Variants in DMWD observed in about 807,000 individuals in gnomAD.
DMWD encodes dystrophia myotonica WD repeat-containing protein.
Under a neutral mutation model 45.8 loss-of-function variants are expected in DMWD, and 19 were observed. The observed-to-expected ratio is 0.41, with a 90% CI of 0.29 to 0.61. DMWD has a LOEUF of 0.61. Among genes scored for constraint, DMWD ranks in the 20% least tolerant of loss-of-function variants. The pLI, the probability that DMWD is intolerant of heterozygous loss-of-function variation, is 0.25. For missense variants in DMWD, 802 were observed against 965.2 expected, an observed-to-expected ratio of 0.83 and a Z score of 2.24; for synonymous variants, 515 against 440.5, an observed-to-expected ratio of 1.17 and a Z score of -2.12.
intron 2 of DMWD, among the ~76,000 whole-genome samples, chr19:45,788,922 C>T (rs1275106233): frequency 6.7e-6 from 1 of 148,986 alleles, no homozygotes; most frequent in Non-Finnish European, 1.5e-5. Context: ...GAGTGAGACC[C>T]TATCTCAGGA....
rs1316606037 is a variant in DMWD at position 45,792,504 on chromosome 19, G to C, written c.253C>G (p.Pro85Ala). Residue 85 changes from proline to alanine, a missense_variant, in exon 1 of 5, where the codon CCC (proline) becomes GCC (alanine). This residue lies in a region of DMWD where 151 missense variants were observed against 128.1 expected (regional missense o/e 1.18). Transcript: ENST00000270223. The stretch of plus-strand genomic sequence containing the variant: ...GCGGGCAGGGCGGGCCCGGGTCCGG[G>C]GCCTGCGGGCGGCGGGGACGACGCG... ...GPASSPPPAG[P>A]GPGPALPAVR... The C allele has an allele frequency of 5.7e-5, 66 of 1,155,228 alleles. No homozygotes were observed. Among genetic ancestry groups the C allele is most frequent in the Non-Finnish European group, 6.9e-5 (65 of 935,420 alleles). 71.6% of individuals were successfully genotyped at this position (1,155,228 alleles called of 1,614,324 possible). A position where few individuals can be genotyped will look rare whatever the true frequency, so the allele number is the denominator to read the frequency against.
In DMWD at chr19:45,784,259, C is replaced by T. The variant is rs759861698; in HGVS notation, c.2009G>A (p.Ser670Asn). The change falls in exon 5 of 5, where the codon AGT becomes AAT. Residue 670 changes from serine to asparagine, a missense_variant. This residue lies in a region of DMWD where 303 missense variants were observed against 332.9 expected (regional missense o/e 0.91). Transcript: ENST00000270223. ...TCCATGGCTTCACACCACTGTGCCA[C>T]TCGGGGAGTTGCCTGGTTGGGAGGA... is the stretch of plus-strand genomic sequence containing the variant. ...GISSQPGNSP[S>N]GTVV is the part of the protein sequence containing the mutation. The T allele has an allele frequency of 8.5e-6, 13 of 1,527,808 alleles. No individual in the cohort carries two copies. In the Admixed American group the frequency reaches 2.4e-4, roughly 28 times the overall value. The allele number at this position is 1,527,808 out of a possible 1,614,324, so 94.6% of individuals were successfully genotyped here.
At position 45,786,697 on chromosome 19, in the gene DMWD, C is replaced by A; in HGVS notation, c.799G>T (p.Ala267Ser). Residue 267 changes from alanine (A) to serine (S), a missense_variant, in exon 3 of 5, where the codon GCT (alanine) becomes TCT (serine). Ala to Ser is a moderately conservative substitution (Grantham distance 99). Around this residue, in one of 9 missense-constraint regions of DMWD, gnomAD observed 146 missense variants for 212.8 expected, o/e 0.69. Transcript: ENST00000270223. ...LKQGEGFSVYAAKSKAPRNPL... is the reference protein window; with the variant it reads ...LKQGEGFSVYSAKSKAPRNPL... ...TTGCGGGGTGCCTTGCTCTTGGCAG[C>A]ATAGACAGAGAAGCCCTCGCCCTGC... is the stretch of plus-strand genomic sequence containing the variant. 1 of 1,612,024 alleles carries A rather than the reference C, an allele frequency of 6.2e-7. No individual in the cohort carries two copies. The highest frequency in any genetic ancestry group is 8.5e-7 in the Non-Finnish European group (1 of 1,178,446).
intron 2 of DMWD, chr19:45,789,380 G>C (rs997368409): frequency 5.3e-5 from 8 of 152,230 alleles, no homozygotes; most frequent in Non-Finnish European, 1.0e-4. Context: ...TGAGACAGAA[G>C]CCAAGAGCAG....
Position 45,785,779 on chromosome 19 carries a change from G to A in DMWD, c.1717C>T (p.Leu573=), listed in dbSNP as rs753119516. 2.5e-6 allele frequency: 4 copies of A among 1,611,674 alleles called. No homozygotes were observed. The Admixed American group carries it at 5.0e-5, about 20-fold the overall frequency. The change falls in exon 3 of 5, where the codon CTG becomes TTG. Residue 573 remains leucine, a synonymous_variant. Transcript: ENST00000270223. ...GTGCCCAGCACCTTGGCGGGGTCCA[G>A]GCGGCTGCGGGGAACAGGGCCGCTG... ...KPSGPVPRSR[L]DPAKVLGTAL...
At position 45,785,604 on chromosome 19, in the gene DMWD, G is replaced by T; in HGVS notation, c.1892C>A (p.Pro631Gln). 1 of 1,491,634 alleles carries T rather than the reference G, an allele frequency of 6.7e-7. No homozygotes were observed. Among genetic ancestry groups the T allele is most frequent in the South Asian group, 1.4e-5 (1 of 73,160 alleles). The allele number at this position is 1,491,634 out of a possible 1,614,324, so 92.4% of individuals were successfully genotyped here. A position where few individuals can be genotyped will look rare whatever the true frequency, so the allele number is the denominator to read the frequency against. Reference sequence around the variant, plus strand: ...TGTGGGGCCACTCACCGCCTTGCCCGGCCGGGCCCAGGTGCAGATGAGGCC... The same window carrying T: ...TGTGGGGCCACTCACCGCCTTGCCCTGCCGGGCCCAGGTGCAGATGAGGCC... ...QEGLICTWAR[P>Q]GKAFTDEETE... Residue 631 changes from proline (P) to glutamine (Q), a missense_variant, in exon 3 of 5, where the codon CCG becomes CAG. Physicochemically the swap from Pro to Gln is moderately conservative, Grantham distance 76. This residue lies in a region of DMWD where 303 missense variants were observed against 332.9 expected (regional missense o/e 0.91). Transcript: ENST00000270223.
Position 45,792,420 on chromosome 19 carries a change from GCGGCTCCCCGGCCCCGGCGCTGTC to G in DMWD, c.313_336del (p.Asp105_Pro112del). On this transcript the variant is annotated inframe_deletion, in exon 1 of 5. Transcript: ENST00000270223. The stretch of plus-strand genomic sequence containing the variant: ...GAGCCCAGCCCCGCGGGCGTGGCGG[GCGGCTCCCCGGCCCCGGCGCTGTC>G]CGGCTCCCCGAGGCGCACGAGGCTG... 6.4e-7 allele frequency: 1 copy of G among 1,567,194 alleles called. No individual in the cohort carries two copies. The highest frequency in any genetic ancestry group is 8.6e-7 in the Non-Finnish European group (1 of 1,157,138).
intron 2 of DMWD, chr19:45,787,095 A>G: frequency 1.3e-6 from 1 of 784,876 alleles, no homozygotes; most frequent in Admixed American, 2.9e-5. Context: ...CAAGGTGGCC[A>G]CAGGGTGCTC....
Position 45,783,050 on chromosome 19 carries a change from G to A in DMWD, c.*1193C>T, listed in dbSNP as rs187297354. On this transcript the variant is annotated 3_prime_UTR_variant, in exon 5 of 5. Coordinates refer to ENST00000270223, the MANE Select transcript of DMWD (RefSeq NM_004943.2). ...GGGGTGGTGAGGACAGGACCAGGAGGGGGCACCCTCAGAGCCTGAACAGGG... is the reference window on the plus strand; with the variant it reads ...GGGGTGGTGAGGACAGGACCAGGAGAGGGCACCCTCAGAGCCTGAACAGGG... The A allele has an allele frequency of 6.6e-6, 1 of 152,014 alleles. No individual in the cohort carries two copies. Among genetic ancestry groups the A allele is most frequent in the Admixed American group, 6.6e-5 (1 of 15,214 alleles). 9.4% of individuals were successfully genotyped at this position (152,014 alleles called of 1,614,324 possible).
rs776239814 is a variant in DMWD at position 45,785,647 on chromosome 19, T to C, written c.1849A>G (p.Ile617Val). 1.3e-6 allele frequency: 2 copies of C among 1,550,504 alleles called. No homozygotes were observed. The highest frequency in any genetic ancestry group is 1.8e-5 in the Admixed American group (1 of 54,350). Residue 617 changes from isoleucine to valine, a missense_variant, in exon 3 of 5, where the codon ATC (isoleucine) becomes GTC (valine). Physicochemically the swap from Ile to Val is conservative, Grantham distance 29. Coordinates refer to ENST00000270223, the MANE Select transcript of DMWD (RefSeq NM_004943.2). ...ATGAGGCCCTCCTGGCAGGCAGTGA[T>C]GATGCAGTCCTCCAGGAACAGGAGG... ...TVLLFLEDCI[I>V]TACQEGLICT...
In DMWD at chr19:45,792,270, C is replaced by T. The variant is rs1470553798; in HGVS notation, c.441+46G>A. ...GGACCCTCCTATCAGTTCTCTGGAA[C>T]CTCCATCCTTTCAGCACCCAGGGCC... On this transcript the variant is annotated intron_variant, in intron 1 of 4. Transcript: ENST00000270223. 1.9e-6 allele frequency: 3 copies of T among 1,582,334 alleles called. No individual in the cohort carries two copies. The Admixed American group carries it at 5.3e-5, about 28-fold the overall frequency.
rs764076714 is a variant in DMWD at position 45,786,146 on chromosome 19, G to C, written c.1350C>G (p.Leu450=). The C allele has an allele frequency of 3.9e-6, 6 of 1,556,506 alleles. No homozygotes were observed. The highest frequency in any genetic ancestry group is 1.4e-5 in the African/African-American group (1 of 73,772). The change falls in exon 3 of 5, where the codon CTC becomes CTG. Residue 450 remains leucine (L), a synonymous_variant. Transcript: ENST00000270223. ...FCLWDLTEDV[L]YPHPPLARTR... Reference sequence around the variant, plus strand: ...TGCGGGCCAGGGGGGGGTGCGGGTAGAGCACGTCTTCAGTGAGGTCCCACA... The same window carrying C: ...TGCGGGCCAGGGGGGGGTGCGGGTACAGCACGTCTTCAGTGAGGTCCCACA...
In DMWD at chr19:45,786,373, C is replaced by A; in HGVS notation, c.1123G>T (p.Ala375Ser). ...HGHKSWVNAV[A>S]FDPYTTRAEE... ...GCCCTTGTGGTGTAGGGGTCAAAGG[C>A]CACAGCGTTGACCCAGGACTTGTGG... Residue 375 changes from alanine to serine, a missense_variant, in exon 3 of 5, where the codon GCC becomes TCC. Physicochemically the swap from Ala to Ser is moderately conservative, Grantham distance 99. Transcript: ENST00000270223. The A allele has an allele frequency of 1.2e-6, 2 of 1,612,666 alleles. No homozygotes were observed. The highest frequency in any genetic ancestry group is 1.7e-6 in the Non-Finnish European group (2 of 1,179,266).
At chr19:45,789,016 G>A (rs763577450) in intron 2 of DMWD, among the ~76,000 whole-genome samples, 2 of 151,406 alleles carry the variant, frequency 1.3e-5, no homozygotes, top group Non-Finnish European at 2.9e-5. Context: ...ACCTCTTAGT[G>A]AGGGCTTTCC....
rs1970349098 is a variant in DMWD, at chr19:45,790,968, T to G, written c.561A>C (p.Ser187=). ...TETISLLVGF[S]AGQVQYLDLI... is the part of the protein sequence containing the mutation. ...GATCCAGGTACTGCACTTGACCCGC[T>G]GAGAAGCCCACCAGCAGCGAGATGG... The change falls in exon 2 of 5, where the codon TCA becomes TCC. Residue 187 remains serine, a synonymous_variant. Coordinates refer to ENST00000270223, the MANE Select transcript of DMWD (RefSeq NM_004943.2). The G allele has an allele frequency of 6.2e-7, 1 of 1,613,586 alleles. No individual in the cohort carries two copies. The highest frequency in any genetic ancestry group is 8.5e-7 in the Non-Finnish European group (1 of 1,179,922).
At position 45,792,386 on chromosome 19, in the gene DMWD, T is replaced by C; in HGVS notation, c.371A>G (p.Asp124Gly). The change falls in exon 1 of 5, where the codon GAC (aspartate) becomes GGC (glycine). Residue 124 changes from aspartate (D) to glycine (G), a missense_variant. Asp to Gly is a moderately conservative substitution (Grantham distance 94). This residue lies in a region of DMWD where 82 missense variants were observed against 92.9 expected (regional missense o/e 0.88). Transcript: ENST00000270223. ...ACGGCCCAAGTTGAAGCAGACGCGGTCTCCCCCCGAGCCCAGCCCCGCGGG... is the reference window on the plus strand; with the variant it reads ...ACGGCCCAAGTTGAAGCAGACGCGGCCTCCCCCCGAGCCCAGCCCCGCGGG... The part of the protein sequence containing the change: ...ATPAGLGSGG[D>G]RVCFNLGREL... The C allele has an allele frequency of 1.2e-6, 2 of 1,602,994 alleles. No individual in the cohort carries two copies. Among genetic ancestry groups the C allele is most frequent in the Non-Finnish European group, 1.7e-6 (2 of 1,175,394 alleles).
intron 1 of DMWD, among the ~76,000 whole-genome samples, chr19:45,791,651 G>A (rs925049720): frequency 6.6e-6 from 1 of 152,004 alleles, no homozygotes; most frequent in African/African-American, 2.4e-5. Flanking sequence ...CATCATTTCT[G>A]GGATCACCAT....
At chr19:45,788,931 GAAAAAA>G (rs541890137) in intron 2 of DMWD, among the ~76,000 whole-genome samples, 1 of 123,078 alleles carries the variant, frequency 8.1e-6, no homozygotes, top group Admixed American at 8.4e-5. Flanking sequence ...CCTATCTCAG[GAAAAAA>G]AAAAAAAAAA....
At chr19:45,788,850 G>C (rs1434248180) in intron 2 of DMWD, among the ~76,000 whole-genome samples, 2 of 151,682 alleles carry the variant, frequency 1.3e-5, no homozygotes, top group African/African-American at 4.9e-5. Flanking sequence ...GACTGCTTGA[G>C]CCTGGGAGGC....
Sources: gnomAD v4.1 joint callset for allele counts (sites outside exome capture counted in the v4.1 genomes callset) on GRCh38, gnomAD v4.1.1 for gene constraint, gnomAD v4.1.1 regional missense constraint, MANE v1.5 for transcripts, NCBI Gene and HGNC (gene_info 2026-07-23, HGNC 2026-07-21) for gene names.